The following GPAT3 variants were observed in gnomAD, a reference collection of about 807,000 sequenced individuals.
GPAT3 encodes glycerol-3-phosphate acyltransferase 3.
A neutral mutation model predicts 58.8 loss-of-function variants in GPAT3; 53 were observed. The ratio of observed to expected loss-of-function variants is 0.90; its 90% CI spans 0.72 to 1.13. The LOEUF (loss-of-function observed/expected upper bound fraction) is 1.13. Among genes scored for constraint, GPAT3 ranks in the 50% most tolerant of loss-of-function variants. The probability of loss-of-function intolerance (pLI) is 0.00; values close to 1 mark genes in which losing one functional copy is unlikely to be tolerated. For missense variants in GPAT3, 511 were observed against 527.6 expected (o/e 0.97, Z 0.31); for synonymous variants, 197 against 187.4 (o/e 1.05, Z -0.42).
At chr4:83,579,027 T>C (rs1299789174) in intron 2 of GPAT3, among the ~76,000 whole-genome samples, 1,490 of 23,394 alleles carry the variant, frequency 0.064, 179 homozygotes, top group African/African-American at 0.11. Flanking sequence ...CCTTTCTTTC[T>C]TTCTTTCTTT....
intron 7 of GPAT3, 42 bp from the exon 8 acceptor site, chr4:83,596,816 C>T: frequency 6.6e-7 from 1 of 1,512,740 alleles, no homozygotes; most frequent in African/African-American, 1.4e-5. Context: ...ATCCACCTCT[C>T]TCTTTATAAA....
At chr4:83,585,840 G>A (rs1242871134) in intron 3 of GPAT3, among the ~76,000 whole-genome samples, 1 of 152,144 alleles carries the variant, frequency 6.6e-6, no homozygotes, top group Admixed American at 6.5e-5. Flanking sequence ...ACTCGCCTGG[G>A]CCTCCCAAAC....
At chr4:83,598,200 T>C in intron 10 of GPAT3, 21 bp downstream of exon 10, 4 of 1,608,448 alleles carry the variant, frequency 2.5e-6, no homozygotes, top group South Asian at 1.1e-5. Context: ...GCTAACACTT[T>C]ATCTAATCAG....
At chr4:83,598,347 G>A (rs922321789) in intron 10 of GPAT3, among the ~76,000 whole-genome samples, 168 bp downstream of exon 10, 2 of 151,992 alleles carry the variant, frequency 1.3e-5, no homozygotes, top group Non-Finnish European at 2.9e-5. Context: ...TTTATATTGA[G>A]AGATTATTTT....
intron 4 of GPAT3, among the ~76,000 whole-genome samples, chr4:83,587,647 C>T (rs577429374): frequency 4.6e-5 from 7 of 152,154 alleles, no homozygotes; most frequent in African/African-American, 7.2e-5. Context: ...AGGGGGGTCT[C>T]GAACTCCTGA....
intron 2 of GPAT3, among the ~76,000 whole-genome samples, chr4:83,568,159 C>T (rs531056662): frequency 1.6e-4 from 25 of 152,002 alleles, no homozygotes; most frequent in Non-Finnish European, 3.1e-4. Context: ...CCCTGTTTCA[C>T]ATTAAAAAAA....
chr4:83,566,431 A>ATTC, intron 2 of GPAT3, among the ~76,000 whole-genome samples: 1 of 147,278 alleles, frequency 6.8e-6, no homozygotes. Context: ...TATTATTATT[A>ATTC]TTATTATTAT....
chr4:83,570,507 C>G (rs1725564038), intron 2 of GPAT3, among the ~76,000 whole-genome samples: 1 of 138,008 alleles, frequency 7.2e-6, no homozygotes, highest in Non-Finnish European at 1.5e-5. Context: ...GAGTCTTGCT[C>G]AGTCACTCAG....
rs1727195879 is a variant in GPAT3, at chr4:83,604,800, A to G, written c.*33A>G. The G allele has an allele frequency of 2.0e-6, 3 of 1,536,108 alleles. No individual in the cohort carries two copies. The Admixed American group carries it at 5.6e-5, about 29-fold the overall frequency. On this transcript the variant is annotated 3_prime_UTR_variant, in exon 12 of 12. Transcript: ENST00000264409. ...GATGACAGCCTTTAGATCTAGAACT[A>G]GCCCTTAGAAATGGAATGGCTTTTT...
chr4:83,556,189 A>T (rs149210830), intron 2 of GPAT3, among the ~76,000 whole-genome samples: 7 of 152,314 alleles, frequency 4.6e-5, no homozygotes, highest in African/African-American at 1.4e-4. Flanking sequence ...TTTCTTGTTT[A>T]ATCAAGTTAG....
Position 83,544,547 on chromosome 4 carries a change from A to G in GPAT3, c.153A>G (p.Ile51Met). 2 of 1,614,088 alleles carry G rather than the reference A, an allele frequency of 1.2e-6. No homozygotes were observed. Among genetic ancestry groups the G allele is most frequent in the Non-Finnish European group, 1.7e-6 (2 of 1,179,976 alleles). ...TTGTTTTTGAACAGTGGGCCACAAT[A>G]CGAATTGAAAAAGGAACCCCAAAGG... is the stretch of plus-strand genomic sequence containing the variant. ...ILVKTLEWATIRIEKGTPKES... is the reference protein window; with the variant it reads ...ILVKTLEWATMRIEKGTPKES... Residue 51 changes from isoleucine to methionine, a missense_variant, in exon 2 of 12, where the codon ATA (isoleucine) becomes ATG (methionine). Transcript: ENST00000264409.
intron 2 of GPAT3, among the ~76,000 whole-genome samples, chr4:83,565,470 T>C (rs1032604512): frequency 6.6e-6 from 1 of 151,586 alleles, no homozygotes; most frequent in Non-Finnish European, 1.5e-5. Flanking sequence ...TCTCATGCAC[T>C]GTTATCATAT....
intron 2 of GPAT3, among the ~76,000 whole-genome samples, chr4:83,548,689 G>C (rs1315081268): frequency 6.6e-6 from 1 of 152,116 alleles, no homozygotes; most frequent in Non-Finnish European, 1.5e-5. Flanking sequence ...TGCAACCACT[G>C]CAAGTCTTAC....
intron 1 of GPAT3, among the ~76,000 whole-genome samples, chr4:83,538,596 G>A (rs1351939406): frequency 6.6e-6 from 1 of 152,126 alleles, no homozygotes; most frequent in South Asian, 2.1e-4. Flanking sequence ...GGCTTCCAGG[G>A]GCTCACTTCT....
chr4:83,550,146 G>A (rs1368115880), intron 2 of GPAT3, among the ~76,000 whole-genome samples: 2 of 151,940 alleles, frequency 1.3e-5, no homozygotes, highest in Admixed American at 6.6e-5. Context: ...TTGCAGGTGT[G>A]AGCCACCATG....
At chr4:83,556,428 G>A (rs1175352330) in intron 2 of GPAT3, among the ~76,000 whole-genome samples, 2 of 151,972 alleles carry the variant, frequency 1.3e-5, no homozygotes, top group Non-Finnish European at 2.9e-5. Flanking sequence ...AATCCAGGAG[G>A]TGGAGGTTGC....
At position 83,597,054 on chromosome 4, in the gene GPAT3, T is replaced by C. The variant is rs532243908; in HGVS notation, c.910+141T>C. 4.2e-6 allele frequency: 3 copies of C among 712,058 alleles called. No homozygotes were observed. The Admixed American group carries it at 9.6e-5, about 23-fold the overall frequency. 44.1% of individuals were successfully genotyped at this position (712,058 alleles called of 1,614,324 possible). A position where few individuals can be genotyped will look rare whatever the true frequency, so the allele number is the denominator to read the frequency against. On this transcript the variant is annotated intron_variant, in intron 8 of 11. Coordinates refer to ENST00000264409, the MANE Select transcript of GPAT3 (RefSeq NM_032717.5). The stretch of plus-strand genomic sequence containing the variant: ...GAATGGGATGGCACTCTCTGAGTTA[T>C]TAATTCCTTGCTTTCTTTTGAGACT...
In GPAT3 at chr4:83,593,166, CT is replaced by C. The variant is rs761351611; in HGVS notation, c.739-1662del. ...ACAGGTGTGAGCCACCGAGCCAGGA[CT>C]TTTTTTTTTTTTTTTTAAACATAGT... On this transcript the variant is annotated intron_variant, in intron 6 of 11. Transcript: ENST00000264409. Among the ~76,000 whole-genome samples, 607 of 112,300 alleles carry C rather than the reference CT, an allele frequency of 5.4e-3. 5 individuals are homozygous for C. The highest frequency in any genetic ancestry group is 6.1e-3 in the Non-Finnish European group (331 of 54,042). The allele number at this position is 112,300 out of a possible 152,430, so 73.7% of individuals were successfully genotyped here. A position where few individuals can be genotyped will look rare whatever the true frequency, so the allele number is the denominator to read the frequency against.
intron 11 of GPAT3, among the ~76,000 whole-genome samples, chr4:83,599,703 T>C (rs1726984154): frequency 6.6e-6 from 1 of 152,196 alleles, no homozygotes; most frequent in Admixed American, 6.5e-5. Flanking sequence ...ACTATGGCTT[T>C]AGTTTTTGTT....
Sources: allele counts gnomAD v4.1 joint callset (sites outside exome capture counted in the v4.1 genomes callset), GRCh38; gene constraint gnomAD v4.1.1; transcripts MANE v1.5; gene names NCBI Gene and HGNC (gene_info 2026-07-23, HGNC 2026-07-21).